CLIP4: variants seen among roughly 807,000 people sequenced by gnomAD.
CLIP4 encodes CAP-Gly domain-containing linker protein 4.
Under a neutral mutation model 73.1 loss-of-function variants are expected in CLIP4, and 47 were observed. That is an observed-to-expected ratio of 0.64 (90% confidence interval 0.51 to 0.82). The LOEUF is 0.82. Ranked by LOEUF, CLIP4 falls within the 40% of genes least tolerant of loss-of-function variation. The probability of loss-of-function intolerance (pLI) is 0.00; values close to 1 mark genes in which losing one functional copy is unlikely to be tolerated. For synonymous variants in CLIP4, 306 were observed against 295.4 expected, an observed-to-expected ratio of 1.04 and a Z score of -0.37; for missense variants, 874 against 852.9, an observed-to-expected ratio of 1.02 and a Z score of -0.31.
At chr2:29,166,023 C>T (rs1416970808) in intron 13 of CLIP4, among the ~76,000 whole-genome samples, 1 of 151,658 alleles carries the variant, frequency 6.6e-6, no homozygotes, top group African/African-American at 2.4e-5. Flanking sequence ...TATCTCAATC[C>T]AGCTGTCTTC....
chr2:29,133,870 G>T, intron 5 of CLIP4, 54 bp downstream of exon 5: 2 of 1,380,864 alleles, frequency 1.4e-6, no homozygotes, highest in Non-Finnish European at 9.7e-7. Flanking sequence ...TTTAGTGGTG[G>T]CATAAAAATT....
intron 8 of CLIP4, among the ~76,000 whole-genome samples, chr2:29,149,902 G>A (rs921578437): frequency 1.3e-5 from 2 of 152,092 alleles, no homozygotes; most frequent in South Asian, 4.1e-4. Context: ...TGATAGTGAA[G>A]TAAAGGTGTC....
At position 29,118,825 on chromosome 2, in the gene CLIP4, A is replaced by AAT. The variant is rs146696232; in HGVS notation, c.-15-2534_-15-2533dup. On this transcript the variant is annotated intron_variant, in intron 1 of 15. Transcript: ENST00000320081. Reference sequence around the variant, plus strand: ...GTGAGCCACCATGCCTGGCAGGGCCAATATATATATATATATTTTTAACCT... The same window carrying AAT: ...GTGAGCCACCATGCCTGGCAGGGCCAATATATATATATATATATTTTTAACCT... Among the ~76,000 whole-genome samples the AAT allele has an allele frequency of 9.8e-4, 147 of 150,618 alleles. 1 individual carries two copies. In the East Asian group the frequency reaches 0.012, roughly 13 times the overall value.
chr2:29,106,981 C>T (rs1441323213), intron 1 of CLIP4, among the ~76,000 whole-genome samples: 1 of 152,170 alleles, frequency 6.6e-6, no homozygotes, highest in African/African-American at 2.4e-5. Context: ...ATGTCAGGAA[C>T]AATCTTATTA....
At chr2:29,174,817 C>T (rs1045224684) in intron 15 of CLIP4, 9 of 362,552 alleles carry the variant, frequency 2.5e-5, no homozygotes, top group African/African-American at 4.4e-5. Context: ...AAATGTAAGG[C>T]GTAATCTTGC....
chr2:29,158,662 A>G (rs1211032100), intron 11 of CLIP4, among the ~76,000 whole-genome samples: 1 of 152,252 alleles, frequency 6.6e-6, no homozygotes, highest in Non-Finnish European at 1.5e-5. Context: ...CAGAGAACGA[A>G]CAATAATGGA....
intron 6 of CLIP4, among the ~76,000 whole-genome samples, chr2:29,141,178 C>T (rs764930473): frequency 1.3e-5 from 2 of 152,064 alleles, no homozygotes; most frequent in East Asian, 1.9e-4. Context: ...TTTTACTCCA[C>T]GGTGGTCCAA....
intron 15 of CLIP4, among the ~76,000 whole-genome samples, chr2:29,179,524 A>G (rs573875047): frequency 8.5e-5 from 13 of 152,302 alleles, no homozygotes; most frequent in Middle Eastern, 3.4e-3. Context: ...CCTTAGGCAC[A>G]TAGCTTAGTT....
At chr2:29,144,920 A>T (rs746865336) in intron 7 of CLIP4, among the ~76,000 whole-genome samples, 4 of 147,308 alleles carry the variant, frequency 2.7e-5, no homozygotes, top group Non-Finnish European at 4.4e-5. Flanking sequence ...CTCCTGCCTC[A>T]GCCCCTGTAG....
At position 29,156,421 on chromosome 2, in the gene CLIP4, TA is replaced by T; in HGVS notation, c.1237del (p.Thr413LeufsTer2). On this transcript the variant is annotated frameshift_variant, in exon 10 of 16. Coordinates refer to ENST00000320081, the MANE Select transcript of CLIP4 (RefSeq NM_024692.6). LOFTEE classifies it high-confidence loss of function. Reference sequence around the variant, plus strand: ...TTTCATTGCCTCCTGGTGAAGAACTTAAAACTGTGACAGAGAAAGATGGTAA... The same window carrying T: ...TTTCATTGCCTCCTGGTGAAGAACTTAAACTGTGACAGAGAAAGATGGTAA... The part of the protein sequence containing the change: ...TLSLPPGEEL[K>X]TVTEKDVALL... 1 of 1,579,836 alleles carries T rather than the reference TA, an allele frequency of 6.3e-7. No homozygotes were observed. Among genetic ancestry groups the T allele is most frequent in the South Asian group, 1.2e-5 (1 of 84,350 alleles).
chr2:29,122,562 T>C (rs1438808843), intron 2 of CLIP4, among the ~76,000 whole-genome samples: 1 of 152,160 alleles, frequency 6.6e-6, no homozygotes, highest in African/African-American at 2.4e-5. Flanking sequence ...TCATTTGTTA[T>C]TAGTTGCTCA....
At chr2:29,125,380 T>C (rs1215678239) in intron 2 of CLIP4, among the ~76,000 whole-genome samples, 1 of 152,190 alleles carries the variant, frequency 6.6e-6, no homozygotes, top group Non-Finnish European at 1.5e-5. Context: ...TGATGAATAG[T>C]TGAGGAGGAC....
At chr2:29,149,374 T>G (rs1328477960) in intron 8 of CLIP4, among the ~76,000 whole-genome samples, 8 of 151,958 alleles carry the variant, frequency 5.3e-5, no homozygotes, top group Middle Eastern at 6.9e-3. Context: ...GACCCTTTCC[T>G]CCTTCTTGGA....
At chr2:29,117,780 TACTA>T (rs1462559656) in intron 1 of CLIP4, among the ~76,000 whole-genome samples, 2 of 152,256 alleles carry the variant, frequency 1.3e-5, no homozygotes, top group African/African-American at 4.8e-5. Context: ...TCATAGCACT[TACTA>T]CTTTCAACTT....
At chr2:29,144,867 G>A (rs1330140686) in intron 7 of CLIP4, among the ~76,000 whole-genome samples, 1 of 136,486 alleles carries the variant, frequency 7.3e-6, no homozygotes, top group Non-Finnish European at 1.5e-5. Context: ...CAGTGGCACA[G>A]TCATAGGTCA....
intron 15 of CLIP4, among the ~76,000 whole-genome samples, chr2:29,178,599 C>G (rs17007601): frequency 0.023 from 3,509 of 152,218 alleles, 125 homozygotes; most frequent in African/African-American, 0.079. Flanking sequence ...TTCAGCGTGA[C>G]TTTTGCAATG....
At chr2:29,131,711 T>C (rs573373032) in intron 3 of CLIP4, 1 of 255,186 alleles carries the variant, frequency 3.9e-6, no homozygotes, top group African/African-American at 2.2e-5. Flanking sequence ...ATTACCATCA[T>C]GTTCTATTTA....
chr2:29,129,185 T>G (rs978249984), intron 2 of CLIP4, among the ~76,000 whole-genome samples: 1 of 152,176 alleles, frequency 6.6e-6, no homozygotes, highest in Non-Finnish European at 1.5e-5. Context: ...TTGTCTAACA[T>G]GAGCTTATTT....
intron 6 of CLIP4, among the ~76,000 whole-genome samples, chr2:29,141,856 T>C (rs1665791994): frequency 6.6e-6 from 1 of 152,192 alleles, no homozygotes; most frequent in Admixed American, 6.5e-5. Flanking sequence ...CTGTTTCATG[T>C]TAGCTAGTTG....
Sources: gnomAD v4.1 joint callset for allele counts (sites outside exome capture counted in the v4.1 genomes callset) on GRCh38, gnomAD v4.1.1 for gene constraint, MANE v1.5 for transcripts, NCBI Gene and HGNC (gene_info 2026-07-23, HGNC 2026-07-21) for gene names.